The following PLEKHA7 variants were observed in gnomAD, a reference collection of about 807,000 sequenced individuals.
PLEKHA7 encodes pleckstrin homology domain-containing family A member 7.
In PLEKHA7, 104 loss-of-function variants were observed where a neutral mutation model predicts 170.0. That is an observed-to-expected ratio of 0.61 (90% confidence interval 0.52 to 0.72). PLEKHA7 has a LOEUF of 0.72. Among genes scored for constraint, PLEKHA7 ranks in the 30% least tolerant of loss-of-function variants. The probability of loss-of-function intolerance (pLI) is 0.00; values close to 1 mark genes in which losing one functional copy is unlikely to be tolerated. For synonymous variants in PLEKHA7, 648 were observed against 660.8 expected (o/e 0.98, Z 0.30); for missense variants, 1,615 against 1,671.7 (o/e 0.97, Z 0.59).
chr11:16,852,159 T>A (rs1399574712), intron 7 of PLEKHA7, 124 bp downstream of exon 7: 19 of 773,994 alleles, frequency 2.5e-5, no homozygotes, highest in Non-Finnish European at 3.5e-5. Flanking sequence ...CAAACTGGAT[T>A]CTATTTATTT....
At chr11:16,885,077 A>G (rs1232972538) in intron 3 of PLEKHA7, among the ~76,000 whole-genome samples, 1 of 152,214 alleles carries the variant, frequency 6.6e-6, no homozygotes, top group Non-Finnish European at 1.5e-5. Context: ...ATGGTAGCTC[A>G]TGCCTGTAAT....
intron 3 of PLEKHA7, among the ~76,000 whole-genome samples, chr11:16,997,260 C>T (rs961244488): frequency 6.6e-6 from 1 of 152,194 alleles, no homozygotes; most frequent in Non-Finnish European, 1.5e-5. Flanking sequence ...TAGTCTACCT[C>T]CTCCTCCTCC....
At chr11:16,967,879 T>C (rs1862468995) in intron 3 of PLEKHA7, among the ~76,000 whole-genome samples, 3 of 152,148 alleles carry the variant, frequency 2.0e-5, no homozygotes, top group Admixed American at 1.3e-4. Context: ...GACCTTTCTT[T>C]AGACTAATTG....
chr11:16,884,124 C>T (rs1410369026), intron 3 of PLEKHA7, among the ~76,000 whole-genome samples: 1 of 152,038 alleles, frequency 6.6e-6, no homozygotes, highest in Non-Finnish European at 1.5e-5. Flanking sequence ...ATAAACAGCC[C>T]CCTCCACACA....
intron 3 of PLEKHA7, among the ~76,000 whole-genome samples, chr11:17,003,847 C>A (rs1864820733): frequency 1.3e-5 from 2 of 152,186 alleles, no homozygotes; most frequent in Non-Finnish European, 1.5e-5. Context: ...CTGGATGAGA[C>A]AGAGAAGTGA....
chr11:16,947,915 C>CAAAAAAA (rs756124686), intron 3 of PLEKHA7, among the ~76,000 whole-genome samples: 1 of 67,024 alleles, frequency 1.5e-5, no homozygotes, highest in Admixed American at 1.8e-4. Flanking sequence ...GACTCCGTCT[C>CAAAAAAA]AAAAAAAAAA....
chr11:16,810,138 T>C (rs1849266677), intron 13 of PLEKHA7, among the ~76,000 whole-genome samples: 1 of 152,258 alleles, frequency 6.6e-6, no homozygotes, highest in Non-Finnish European at 1.5e-5. Context: ...ATGGGGCCCC[T>C]GGCTACACGA....
intron 6 of PLEKHA7, among the ~76,000 whole-genome samples, chr11:16,853,812 C>A (rs939623803): frequency 1.3e-5 from 2 of 152,080 alleles, no homozygotes; most frequent in Non-Finnish European, 2.9e-5. Context: ...CAGAAGAGGC[C>A]GGGAGCTGTT....
chr11:16,829,257 C>A (rs1195040317), intron 9 of PLEKHA7, among the ~76,000 whole-genome samples: 1 of 151,914 alleles, frequency 6.6e-6, no homozygotes, highest in African/African-American at 2.4e-5. Context: ...TCAAGTGATC[C>A]ACCTGCCTCA....
rs138127059 is a variant in PLEKHA7 at position 16,967,784 on chromosome 11, C to T, written c.221+46205G>A. Among the ~76,000 whole-genome samples the T allele has an allele frequency of 2.6e-5, 4 of 152,214 alleles. No homozygotes were observed. The East Asian group carries it at 7.7e-4, about 29-fold the overall frequency. On this transcript the variant is annotated intron_variant, in intron 3 of 26. Coordinates refer to ENST00000531066, the MANE Select transcript of PLEKHA7 (RefSeq NM_001329630.2). ...AAGCACCTGTTTTATGCTCTCCAGGCACCAGAGTGATTCAGGCACCCCCAT... is the reference window on the plus strand; with the variant it reads ...AAGCACCTGTTTTATGCTCTCCAGGTACCAGAGTGATTCAGGCACCCCCAT...
chr11:17,005,397 T>C (rs1475909911), intron 3 of PLEKHA7, among the ~76,000 whole-genome samples: 1 of 152,122 alleles, frequency 6.6e-6, no homozygotes, highest in Admixed American at 6.5e-5. Context: ...CCAGGCGTGG[T>C]GGTGGGTGTC....
intron 13 of PLEKHA7, among the ~76,000 whole-genome samples, chr11:16,812,836 C>A (rs559057518): frequency 1.3e-5 from 2 of 152,190 alleles, no homozygotes; most frequent in African/African-American, 2.4e-5. Context: ...TTTGGAGGGA[C>A]CTTTTTGTTC....
intron 3 of PLEKHA7, among the ~76,000 whole-genome samples, chr11:16,950,422 G>A (rs1321996585): frequency 6.6e-6 from 1 of 152,130 alleles, no homozygotes; most frequent in Non-Finnish European, 1.5e-5. Flanking sequence ...TGGAAACAAA[G>A]GGATAAGAAG....
intron 3 of PLEKHA7, among the ~76,000 whole-genome samples, chr11:16,996,938 A>G (rs1366005197): frequency 6.6e-6 from 1 of 151,928 alleles, no homozygotes; most frequent in African/African-American, 2.4e-5. Context: ...TCCGTCTCAA[A>G]AAAAAAAAAA....
chr11:16,929,754 C>T (rs989175379), intron 3 of PLEKHA7, among the ~76,000 whole-genome samples: 1 of 152,174 alleles, frequency 6.6e-6, no homozygotes, highest in Non-Finnish European at 1.5e-5. Context: ...CCTGTAATCC[C>T]AGCACTTTGG....
At chr11:16,919,005 G>A (rs948169786) in intron 3 of PLEKHA7, among the ~76,000 whole-genome samples, 2 of 152,244 alleles carry the variant, frequency 1.3e-5, no homozygotes, top group African/African-American at 4.8e-5. Context: ...GAGGTCAGGA[G>A]TTTGAGACCA....
chr11:17,004,523 G>A (rs1048762568), intron 3 of PLEKHA7, among the ~76,000 whole-genome samples: 1 of 151,866 alleles, frequency 6.6e-6, no homozygotes, highest in Non-Finnish European at 1.5e-5. Context: ...CTCCCGAGTA[G>A]CTGGGATTAC....
chr11:16,845,255 C>T (rs1213763180), intron 8 of PLEKHA7, among the ~76,000 whole-genome samples: 5 of 152,206 alleles, frequency 3.3e-5, no homozygotes, highest in South Asian at 2.1e-4. Flanking sequence ...GAGAGGCTGC[C>T]GAAGTTGGCA....
intron 3 of PLEKHA7, among the ~76,000 whole-genome samples, chr11:17,005,047 A>G (rs985190508): frequency 6.6e-6 from 1 of 152,200 alleles, no homozygotes; most frequent in Non-Finnish European, 1.5e-5. Context: ...CTGAATTGCC[A>G]AATATTCCAC....
Sources: gnomAD v4.1 joint callset for allele counts (sites outside exome capture counted in the v4.1 genomes callset) on GRCh38, gnomAD v4.1.1 for gene constraint, MANE v1.5 for transcripts, NCBI Gene and HGNC (gene_info 2026-07-23, HGNC 2026-07-21) for gene names.